LRP2: variants seen among roughly 807,000 people sequenced by gnomAD.
LRP2 encodes the protein LDL receptor related protein 2.
A neutral mutation model predicts 531.0 loss-of-function variants in LRP2; 172 were observed. The ratio of observed to expected loss-of-function variants is 0.32; its 90% CI spans 0.29 to 0.37. LRP2 has a LOEUF of 0.37. LRP2 is among the 10% of genes least tolerant of loss of function. LRP2 has a pLI of 1.00. For missense variants in LRP2, 5,167 were observed against 5,868.3 expected (o/e 0.88, Z 3.90); for synonymous variants, 1,992 against 2,027.6 (o/e 0.98, Z 0.47).
chr2:169,345,863 C>T (rs955276470), intron 1 of LRP2, among the ~76,000 whole-genome samples: 1 of 151,242 alleles, frequency 6.6e-6, no homozygotes, highest in East Asian at 2.0e-4. Context: ...TCTCCAAAAA[C>T]AAAACAAAAC....
At position 169,244,912 on chromosome 2, in the gene LRP2, C is replaced by T; in HGVS notation, c.3211G>A (p.Ala1071Thr). 1 of 1,614,178 alleles carries T rather than the reference C, an allele frequency of 6.2e-7. No individual in the cohort carries two copies. Among genetic ancestry groups the T allele is most frequent in the Non-Finnish European group, 8.5e-7 (1 of 1,180,024 alleles). Residue 1071 changes from alanine to threonine, a missense_variant, in exon 22 of 79, where the codon GCG becomes ACG. Ala to Thr is a moderately conservative substitution (Grantham distance 58). Around this residue, in one of 6 missense-constraint regions of LRP2, gnomAD observed 2,811 missense variants for 3,058.0 expected, o/e 0.92. Transcript: ENST00000649046. ...GTLNNTCSSS[A>T]FTCGHGECIP... ...CACTCCCCATGGCCACAGGTGAACG[C>T]CGAAGATGAACAGGTATTATCTACA...
chr2:169,301,749 C>A (rs1293736392), intron 4 of LRP2, among the ~76,000 whole-genome samples: 1 of 152,074 alleles, frequency 6.6e-6, no homozygotes, highest in Non-Finnish European at 1.5e-5. Flanking sequence ...CCTGAGAGGA[C>A]TCTTACACAC....
At chr2:169,335,720 A>T (rs1478206186) in intron 1 of LRP2, among the ~76,000 whole-genome samples, 1 of 152,230 alleles carries the variant, frequency 6.6e-6, no homozygotes, top group Non-Finnish European at 1.5e-5. Context: ...AATTTTTCCT[A>T]AAAGCATGAA....
chr2:169,235,085 A>AT (rs1380190807), intron 29 of LRP2, among the ~76,000 whole-genome samples: 1 of 151,288 alleles, frequency 6.6e-6, no homozygotes, highest in African/African-American at 2.4e-5. Context: ...TAATTTTTGT[A>AT]TTTTTTTGTA....
chr2:169,136,316 C>A (rs191845379), intron 76 of LRP2, among the ~76,000 whole-genome samples: 7 of 152,046 alleles, frequency 4.6e-5, no homozygotes, highest in Non-Finnish European at 8.8e-5. Flanking sequence ...TGCCACCCCC[C>A]CAAAAATTTT....
At chr2:169,280,291 G>A (rs1683665788) in intron 11 of LRP2, 59 bp downstream of exon 11, 1 of 1,594,634 alleles carries the variant, frequency 6.3e-7, no homozygotes, top group South Asian at 1.1e-5. Context: ...CTCTAAAAGT[G>A]AAAAGCTATC....
intron 29 of LRP2, 102 bp downstream of exon 29, chr2:169,235,738 T>C: frequency 1.1e-6 from 1 of 870,696 alleles, no homozygotes. Flanking sequence ...TCTGACAATG[T>C]CTATGACACA....
intron 1 of LRP2, among the ~76,000 whole-genome samples, chr2:169,345,512 C>A (rs1451427379): frequency 6.6e-6 from 1 of 152,128 alleles, no homozygotes; most frequent in Non-Finnish European, 1.5e-5. Context: ...GGTGTGGCCA[C>A]AAAGGAGTAG....
chr2:169,267,281 C>T (rs1683239670), intron 16 of LRP2, among the ~76,000 whole-genome samples: 1 of 152,076 alleles, frequency 6.6e-6, no homozygotes, highest in Non-Finnish European at 1.5e-5. Context: ...TAACTATCCA[C>T]CCCAAATCAA....
At chr2:169,223,688 T>C (rs1231996397) in intron 33 of LRP2, among the ~76,000 whole-genome samples, 1 of 152,186 alleles carries the variant, frequency 6.6e-6, no homozygotes, top group African/African-American at 2.4e-5. Flanking sequence ...GACATCTTCT[T>C]AGCTTCTGTG....
At chr2:169,133,307 G>A (rs1685358487) in intron 76 of LRP2, among the ~76,000 whole-genome samples, 1 of 152,100 alleles carries the variant, frequency 6.6e-6, no homozygotes, top group African/African-American at 2.4e-5. Flanking sequence ...AAACTACAAG[G>A]TAGACAATTC....
At chr2:169,160,028 A>G (rs1273565435) in intron 63 of LRP2, among the ~76,000 whole-genome samples, 1 of 152,224 alleles carries the variant, frequency 6.6e-6, no homozygotes, top group African/African-American at 2.4e-5. Context: ...TTTAACCCGT[A>G]TAACTGATTT....
intron 10 of LRP2, among the ~76,000 whole-genome samples, chr2:169,280,814 G>A (rs1376666655): frequency 3.3e-5 from 5 of 152,170 alleles, no homozygotes; most frequent in Admixed American, 6.5e-5. Flanking sequence ...ATGACACTGA[G>A]GAGAGTATTT....
chr2:169,316,566 G>C (rs1161538340), intron 3 of LRP2, among the ~76,000 whole-genome samples: 1 of 152,050 alleles, frequency 6.6e-6, no homozygotes, highest in Non-Finnish European at 1.5e-5. Flanking sequence ...AAATATAGAA[G>C]GAAAATCCAG....
chr2:169,316,890 AG>A (rs1684777984), intron 3 of LRP2, among the ~76,000 whole-genome samples: 1 of 152,120 alleles, frequency 6.6e-6, no homozygotes, highest in South Asian at 2.1e-4. Flanking sequence ...GACTGCTGGG[AG>A]TCATGGCAGC....
At chr2:169,327,674 C>CA (rs1685126542) in intron 1 of LRP2, among the ~76,000 whole-genome samples, 1 of 106,818 alleles carries the variant, frequency 9.4e-6, no homozygotes, top group Non-Finnish European at 1.9e-5. Context: ...GCTCAGCCCC[C>CA]TCCCGGCCAG....
intron 4 of LRP2, among the ~76,000 whole-genome samples, chr2:169,304,470 T>C (rs896876454): frequency 6.6e-6 from 1 of 152,218 alleles, no homozygotes. Flanking sequence ...CTAGAATTTA[T>C]ATAATGCTCT....
chr2:169,325,083 A>G (rs911450547), intron 1 of LRP2, among the ~76,000 whole-genome samples: 1 of 151,994 alleles, frequency 6.6e-6, no homozygotes, highest in African/African-American at 2.4e-5. Context: ...AAGAAAGAAA[A>G]AAACATTGAG....
intron 48 of LRP2, among the ~76,000 whole-genome samples, chr2:169,189,431 C>T (rs534590157): frequency 3.3e-5 from 5 of 152,308 alleles, no homozygotes; most frequent in African/African-American, 1.2e-4. Flanking sequence ...CTATTTAACT[C>T]ATTTCCAAAT....
Sources: gnomAD v4.1 joint callset for allele counts (sites outside exome capture counted in the v4.1 genomes callset) on GRCh38, gnomAD v4.1.1 for gene constraint, gnomAD v4.1.1 regional missense constraint, MANE v1.5 for transcripts, NCBI Gene and HGNC (gene_info 2026-07-23, HGNC 2026-07-21) for gene names.